The following METTL9 variants were observed in gnomAD, a reference collection of about 807,000 sequenced individuals.
METTL9 encodes methyltransferase 9, His-X-His N1(pi)-histidine, also known as protein-L-histidine N-pros-methyltransferase.
METTL9 carries 10 observed loss-of-function variants against 36.0 expected under a neutral mutation model. That is an observed-to-expected ratio of 0.28 (90% CI 0.17 to 0.47). The LOEUF is 0.47. Ranked by LOEUF, METTL9 falls within the 20% of genes least tolerant of loss-of-function variation. The pLI, the probability that METTL9 is intolerant of heterozygous loss-of-function variation, is 0.99. For missense variants in METTL9, 246 were observed against 383.5 expected, an observed-to-expected ratio of 0.64 and a Z score of 3.00; for synonymous variants, 175 against 149.7, an observed-to-expected ratio of 1.17 and a Z score of -1.23.
intron 2 of METTL9, among the ~76,000 whole-genome samples, chr16:21,615,029 G>A (rs1399565839): frequency 2.0e-5 from 3 of 152,142 alleles, no homozygotes; most frequent in African/African-American, 7.2e-5. Context: ...AATGGCAGTA[G>A]TACCCCCAGG....
intron 1 of METTL9, among the ~76,000 whole-genome samples, chr16:21,602,085 T>C (rs190786854): frequency 6.6e-6 from 1 of 152,212 alleles, no homozygotes; most frequent in East Asian, 1.9e-4. Context: ...GTGAAGTAAC[T>C]GTAACTGTTT....
intron 4 of METTL9, chr16:21,639,685 C>G (rs1314491184): frequency 2.0e-5 from 3 of 152,116 alleles, no homozygotes; most frequent in Non-Finnish European, 4.4e-5. Context: ...ACACATGTGG[C>G]CCCACACATA....
chr16:21,620,617 A>G (rs1479386312), intron 3 of METTL9, among the ~76,000 whole-genome samples: 2 of 152,212 alleles, frequency 1.3e-5, no homozygotes, highest in Non-Finnish European at 2.9e-5. Flanking sequence ...GTATGTAAAG[A>G]TATCTACCAC....
intron 3 of METTL9, among the ~76,000 whole-genome samples, chr16:21,622,412 G>A (rs1965727087): frequency 6.6e-6 from 1 of 151,908 alleles, no homozygotes; most frequent in Non-Finnish European, 1.5e-5. Flanking sequence ...TGGAATTACA[G>A]ATGTTAGCTA....
chr16:21,599,901 A>G lies in METTL9; in HGVS notation c.165+3A>G. 1 of 1,441,154 alleles carries G rather than the reference A, an allele frequency of 6.9e-7. No individual in the cohort carries two copies. Among genetic ancestry groups the G allele is most frequent in the South Asian group, 1.3e-5 (1 of 74,338 alleles). 89.3% of individuals were successfully genotyped at this position (1,441,154 alleles called of 1,614,324 possible). On this transcript the variant is annotated splice_donor_region_variant and intron_variant, in intron 1 of 4. Coordinates refer to ENST00000358154, the MANE Select transcript of METTL9 (RefSeq NM_016025.5). The surrounding 1 kb of genome is among the most constrained non-coding windows in gnomAD (Gnocchi z 4.4). Reference sequence around the variant, plus strand: ...GCGGCAGGAAGGAGAACCACCAGGTACGGGCTGGGGCCGGGGCCGGGGCGG... The same window carrying G: ...GCGGCAGGAAGGAGAACCACCAGGTGCGGGCTGGGGCCGGGGCCGGGGCGG...
At chr16:21,620,225 A>G (rs1965661369) in intron 3 of METTL9, among the ~76,000 whole-genome samples, 1 of 152,160 alleles carries the variant, frequency 6.6e-6, no homozygotes, top group Non-Finnish European at 1.5e-5. Flanking sequence ...AGGAAGAGAC[A>G]TAAGGAAGGT....
intron 4 of METTL9, 59 bp downstream of exon 4, chr16:21,625,174 A>AT (rs758744102): frequency 6.4e-7 from 1 of 1,572,478 alleles, no homozygotes; most frequent in Admixed American, 1.7e-5. Flanking sequence ...GGTATTTGTG[A>AT]TTTTGTGCTG....
intron 4 of METTL9, among the ~76,000 whole-genome samples, chr16:21,651,148 G>A (rs184492263): frequency 5.9e-5 from 9 of 152,202 alleles, no homozygotes; most frequent in South Asian, 2.1e-4. Context: ...GCGTGAACCC[G>A]GGAGGCGGAG....
At chr16:21,625,399 A>G (rs1001538799) in intron 4 of METTL9, among the ~76,000 whole-genome samples, 1 of 152,200 alleles carries the variant, frequency 6.6e-6, no homozygotes, top group Non-Finnish European at 1.5e-5. Flanking sequence ...CTGGTTTTAA[A>G]TGGAGCTTGA....
rs996615771 is a variant in METTL9 at position 21,655,632 on chromosome 16, T to C, written c.*200T>C. The C allele has an allele frequency of 2.0e-5, 11 of 537,584 alleles. No homozygotes were observed. The highest frequency in any genetic ancestry group is 3.8e-5 in the African/African-American group (2 of 52,734). 33.3% of individuals were successfully genotyped at this position (537,584 alleles called of 1,614,324 possible). On this transcript the variant is annotated 3_prime_UTR_variant, in exon 5 of 5. Transcript: ENST00000358154. ...TTTTTAAAAGACAAAAACCCAACTC[T>C]TTGTGGATTTTTATCAACTCTTTAC...
intron 3 of METTL9, among the ~76,000 whole-genome samples, chr16:21,622,136 C>T (rs1280279380): frequency 8.2e-5 from 3 of 36,654 alleles, no homozygotes; most frequent in African/African-American, 2.0e-4. Context: ...GCCACCATGC[C>T]TGGCCTTTTT....
chr16:21,656,169 A>T lies in METTL9; in HGVS notation c.*737A>T, dbSNP rs1483739186. 1 of 145,702 alleles carries T rather than the reference A, an allele frequency of 6.9e-6. No homozygotes were observed. Among genetic ancestry groups the T allele is most frequent in the Non-Finnish European group, 1.5e-5 (1 of 66,276 alleles). The allele number at this position is 145,702 out of a possible 1,614,324, so 9.0% of individuals were successfully genotyped here. A position where few individuals can be genotyped will look rare whatever the true frequency, so the allele number is the denominator to read the frequency against. On this transcript the variant is annotated 3_prime_UTR_variant, in exon 5 of 5. Transcript: ENST00000358154. Reference sequence around the variant, plus strand: ...CAGCCTCATTCAGATACAGAACTTCAGGGACCCCTCCCCCCACCCCCCCAG... The same window carrying T: ...CAGCCTCATTCAGATACAGAACTTCTGGGACCCCTCCCCCCACCCCCCCAG...
chr16:21,644,895 T>C (rs1966385078), intron 4 of METTL9, among the ~76,000 whole-genome samples: 1 of 152,184 alleles, frequency 6.6e-6, no homozygotes, highest in Non-Finnish European at 1.5e-5. Context: ...AGGCCATACA[T>C]TGAGGAGCGC....
intron 1 of METTL9, among the ~76,000 whole-genome samples, chr16:21,606,146 C>T (rs1965281079): frequency 6.6e-6 from 1 of 152,056 alleles, no homozygotes; most frequent in Non-Finnish European, 1.5e-5. Context: ...ACCATCCCGG[C>T]TAACAGGGTG....
At chr16:21,641,027 T>C (rs1294875336) in intron 4 of METTL9, 1 of 152,346 alleles carries the variant, frequency 6.6e-6, no homozygotes, top group African/African-American at 2.4e-5. Flanking sequence ...TTGCATACCC[T>C]GGCAGGCAAA....
At chr16:21,636,453 C>A (rs951807910) in intron 4 of METTL9, among the ~76,000 whole-genome samples, 2 of 152,176 alleles carry the variant, frequency 1.3e-5, no homozygotes, top group African/African-American at 4.8e-5. Context: ...AGAAGTGGGA[C>A]TAGCCTCAGA....
At chr16:21,604,198 C>T (rs1330008048) in intron 1 of METTL9, among the ~76,000 whole-genome samples, 1 of 152,148 alleles carries the variant, frequency 6.6e-6, no homozygotes, top group African/African-American at 2.4e-5. Context: ...AGCTGAATAC[C>T]AAAGAGACTT....
At chr16:21,601,399 G>A (rs1965122629) in intron 1 of METTL9, among the ~76,000 whole-genome samples, 1 of 152,082 alleles carries the variant, frequency 6.6e-6, no homozygotes. Flanking sequence ...GTCCTGGATA[G>A]GAGAAAAAGC....
chr16:21,603,150 T>C (rs74189631), intron 1 of METTL9, among the ~76,000 whole-genome samples: 11,697 of 151,968 alleles, frequency 0.077, 764 homozygotes, highest in East Asian at 0.3. Context: ...AGCTTTTTTT[T>C]TTTTTTGGAG....
Sources: allele counts gnomAD v4.1 joint callset (sites outside exome capture counted in the v4.1 genomes callset), GRCh38; gene constraint gnomAD v4.1.1; non-coding constraint Gnocchi (gnomAD v3.1); transcripts MANE v1.5; gene names NCBI Gene and HGNC (gene_info 2026-07-23, HGNC 2026-07-21).